DNER: variants seen among roughly 807,000 people sequenced by gnomAD.
DNER encodes the protein delta/notch like EGF repeat containing, also known as delta and Notch-like epidermal growth factor-related receptor.
DNER carries 33 observed loss-of-function variants against 78.2 expected under a neutral mutation model. That is an observed-to-expected ratio of 0.42 (90% confidence interval 0.32 to 0.56). The LOEUF (loss-of-function observed/expected upper bound fraction) is 0.56. Among genes scored for constraint, DNER ranks in the 20% least tolerant of loss-of-function variants. The pLI is 0.11. For missense variants in DNER, 918 were observed against 975.3 expected (o/e 0.94, Z 0.78); for synonymous variants, 417 against 384.8 (o/e 1.08, Z -0.98).
At chr2:229,514,279 G>A (rs1482805267) in intron 5 of DNER, among the ~76,000 whole-genome samples, 1 of 152,098 alleles carries the variant, frequency 6.6e-6, no homozygotes, top group Admixed American at 6.5e-5. Context: ...GTTTTTAGTT[G>A]ATTTCCAGGC....
chr2:229,571,056 G>C (rs765931403), intron 4 of DNER, among the ~76,000 whole-genome samples: 1 of 152,134 alleles, frequency 6.6e-6, no homozygotes, highest in Non-Finnish European at 1.5e-5. Context: ...GGGGTGAAGC[G>C]GGGAGGCCAG....
intron 5 of DNER, among the ~76,000 whole-genome samples, chr2:229,543,025 C>T (rs956203011): frequency 6.6e-5 from 10 of 151,860 alleles, no homozygotes; most frequent in Admixed American, 5.9e-4. Flanking sequence ...CAATGACAGC[C>T]GAGGCTCTAC....
chr2:229,407,173 A>G (rs1311981146), intron 10 of DNER, 59 bp downstream of exon 10: 10 of 1,492,326 alleles, frequency 6.7e-6, no homozygotes, highest in African/African-American at 1.4e-5. Context: ...TTTTTTTAAC[A>G]TCTGCAATCT....
intron 4 of DNER, among the ~76,000 whole-genome samples, chr2:229,558,167 A>C (rs1453876226): frequency 6.6e-6 from 1 of 152,192 alleles, no homozygotes; most frequent in Non-Finnish European, 1.5e-5. Flanking sequence ...TATAAGTGGG[A>C]GTGAAATGAT....
At chr2:229,586,549 A>AAC (rs1559174487) in intron 3 of DNER, 1 of 89,576 alleles carries the variant, frequency 1.1e-5, no homozygotes, top group Non-Finnish European at 1.8e-5. Context: ...AAAAAAAAAA[A>AAC]ACACACAAAA....
chr2:229,547,335 A>G (rs1420016648), intron 4 of DNER, among the ~76,000 whole-genome samples: 1 of 152,094 alleles, frequency 6.6e-6, no homozygotes, highest in African/African-American at 2.4e-5. Context: ...AGGCCAAGCA[A>G]AATCAGCACC....
chr2:229,685,009 T>C (rs752318957), intron 1 of DNER, among the ~76,000 whole-genome samples: 24 of 152,234 alleles, frequency 1.6e-4, no homozygotes, highest in Non-Finnish European at 3.4e-4. Context: ...TTCTCTAAAA[T>C]GCAATCTGGA....
At chr2:229,428,539 T>G (rs1250842988) in intron 8 of DNER, among the ~76,000 whole-genome samples, 1 of 151,606 alleles carries the variant, frequency 6.6e-6, no homozygotes, top group East Asian at 1.9e-4. Context: ...CACTTTAAAA[T>G]ACAACAGAAG....
chr2:229,579,027 T>C (rs976753244), intron 4 of DNER, among the ~76,000 whole-genome samples: 101 of 152,208 alleles, frequency 6.6e-4, no homozygotes, highest in Admixed American at 6.5e-3. Flanking sequence ...AAGGTTCTGT[T>C]ACATGCTTGT....
chr2:229,453,134 TGAAA>T (rs1694496209), intron 7 of DNER, among the ~76,000 whole-genome samples: 1 of 152,224 alleles, frequency 6.6e-6, no homozygotes, highest in Non-Finnish European at 1.5e-5. Context: ...TTTGTATCCA[TGAAA>T]GAAAGATATT....
intron 1 of DNER, among the ~76,000 whole-genome samples, chr2:229,705,330 T>C (rs1699809606): frequency 6.6e-6 from 1 of 152,224 alleles, no homozygotes; most frequent in Non-Finnish European, 1.5e-5. Context: ...TCAGGAACTG[T>C]GAGCAAAAGA....
chr2:229,418,234 AG>A lies in DNER; in HGVS notation c.1487-5del. The stretch of plus-strand genomic sequence containing the variant: ...TCACAGTAGAGGCCATGGTAACCTG[AG>A]GGACAGAGAGAAAGGCCCACTGTCA... On this transcript the variant is annotated splice_polypyrimidine_tract_variant and splice_region_variant and intron_variant, in intron 8 of 12. Transcript: ENST00000341772. The A allele has an allele frequency of 6.2e-7, 1 of 1,613,718 alleles. No individual in the cohort carries two copies.
chr2:229,629,369 T>C (rs1293255697), intron 1 of DNER, among the ~76,000 whole-genome samples: 4 of 152,222 alleles, frequency 2.6e-5, no homozygotes, highest in African/African-American at 7.2e-5. Flanking sequence ...ATTAGACTTA[T>C]ATAGGTCTCT....
intron 6 of DNER, among the ~76,000 whole-genome samples, chr2:229,478,520 C>T (rs536483850): frequency 5.6e-4 from 85 of 152,168 alleles, no homozygotes; most frequent in Admixed American, 9.8e-4. Flanking sequence ...GTAAGACAAG[C>T]GCATGAACTA....
At position 229,358,370 on chromosome 2, in the gene DNER, G is replaced by A. The variant is rs1297608625; in HGVS notation, c.*170C>T. 3.6e-6 allele frequency: 2 copies of A among 554,228 alleles called. No homozygotes were observed. The highest frequency in any genetic ancestry group is 3.5e-5 in the Admixed American group (1 of 28,612). 34.3% of individuals were successfully genotyped at this position (554,228 alleles called of 1,614,324 possible). A position where few individuals can be genotyped will look rare whatever the true frequency, so the allele number is the denominator to read the frequency against. On this transcript the variant is annotated 3_prime_UTR_variant, in exon 13 of 13. Transcript: ENST00000341772. Reference sequence around the variant, plus strand: ...ATCGTCTATAGGTTTCACAAATTTTGTTTTTAAAATATTTTTTCCAAACTA... The same window carrying A: ...ATCGTCTATAGGTTTCACAAATTTTATTTTTAAAATATTTTTTCCAAACTA...
intron 1 of DNER, among the ~76,000 whole-genome samples, chr2:229,685,598 G>A (rs1025125939): frequency 2.0e-5 from 3 of 152,244 alleles, no homozygotes; most frequent in Non-Finnish European, 4.4e-5. Context: ...AAACGGGCCT[G>A]TGTAGAGAAT....
At chr2:229,403,256 A>C (rs1265623721) in intron 10 of DNER, among the ~76,000 whole-genome samples, 1 of 151,872 alleles carries the variant, frequency 6.6e-6, no homozygotes, top group Non-Finnish European at 1.5e-5. Flanking sequence ...GAAGCACCAT[A>C]CTCCTTGTAT....
chr2:229,479,690 A>T (rs1013435), intron 6 of DNER, among the ~76,000 whole-genome samples: 1 of 149,618 alleles, frequency 6.7e-6, no homozygotes, highest in South Asian at 2.1e-4. Context: ...TCCAGCCTGG[A>T]CAATGGAGTG....
intron 11 of DNER, 142 bp downstream of exon 11, chr2:229,388,123 T>C: frequency 2.4e-6 from 3 of 1,249,550 alleles, no homozygotes; most frequent in Non-Finnish European, 3.2e-6. Flanking sequence ...GTAGCTCCGG[T>C]TGTCCCTCTG....
Sources: gnomAD v4.1 joint callset for allele counts (sites outside exome capture counted in the v4.1 genomes callset) on GRCh38, gnomAD v4.1.1 for gene constraint, MANE v1.5 for transcripts, NCBI Gene and HGNC (gene_info 2026-07-23, HGNC 2026-07-21) for gene names.